MPRIP: variants seen among roughly 807,000 people sequenced by gnomAD.
MPRIP encodes the protein myosin phosphatase Rho interacting protein, also known as myosin phosphatase Rho-interacting protein.
In MPRIP, 59 loss-of-function variants were observed where a neutral mutation model predicts 234.9. The observed-to-expected ratio is 0.25, with a 90% CI of 0.20 to 0.31. The LOEUF (loss-of-function observed/expected upper bound fraction) is 0.31, where lower values mean the gene tolerates loss of function less well. Ranked by LOEUF, MPRIP falls within the 10% of genes least tolerant of loss-of-function variation. The pLI is 1.00. For missense variants in MPRIP, 2,436 were observed against 3,071.0 expected, an observed-to-expected ratio of 0.79 and a Z score of 4.89; for synonymous variants, 1,144 against 1,263.9, an observed-to-expected ratio of 0.91 and a Z score of 2.01.
chr17:17,180,719 A>AC, intron 23 of MPRIP: 1 of 1,515,022 alleles, frequency 6.6e-7, no homozygotes, highest in Non-Finnish European at 9.2e-7. Flanking sequence ...CCCCCATGGC[A>AC]AACGCCTGTG....
At chr17:17,087,094 CAG>C (rs1220310398) in intron 3 of MPRIP, among the ~76,000 whole-genome samples, 2 of 152,186 alleles carry the variant, frequency 1.3e-5, no homozygotes, top group East Asian at 3.9e-4. Context: ...CTGAAAGAAT[CAG>C]GGAATGGAAG....
chr17:17,133,577 G>A (rs1319239021), intron 5 of MPRIP, among the ~76,000 whole-genome samples: 1 of 152,198 alleles, frequency 6.6e-6, no homozygotes, highest in East Asian at 1.9e-4. Context: ...GTGTTGGCCC[G>A]GGAGAGTTTC....
intron 3 of MPRIP, 29 bp from the exon 4 acceptor site, chr17:17,126,673 C>G: frequency 6.3e-7 from 1 of 1,596,222 alleles, no homozygotes; most frequent in Non-Finnish European, 8.5e-7. Context: ...TGGCTGGCCT[C>G]TGGGTGACTC....
intron 1 of MPRIP, among the ~76,000 whole-genome samples, chr17:17,054,962 G>A (rs146569144): frequency 6.6e-6 from 1 of 151,986 alleles, no homozygotes; most frequent in East Asian, 1.9e-4. Flanking sequence ...GAGGTAGAAG[G>A]ATTGCCTGAG....
At chr17:17,044,420 C>T (rs2088280477) in intron 1 of MPRIP, among the ~76,000 whole-genome samples, 1 of 152,188 alleles carries the variant, frequency 6.6e-6, no homozygotes, top group South Asian at 2.1e-4. Flanking sequence ...GAACAAATCC[C>T]TTTACTTCTG....
intron 3 of MPRIP, among the ~76,000 whole-genome samples, chr17:17,115,595 G>T (rs2090269193): frequency 6.6e-6 from 1 of 152,186 alleles, no homozygotes; most frequent in African/African-American, 2.4e-5. Flanking sequence ...ATATTCACGT[G>T]GTTATACAAC....
chr17:17,191,435 G>A lies in MPRIP; in HGVS notation c.*6541G>A, dbSNP rs758858095. On this transcript the variant is annotated 3_prime_UTR_variant, in exon 24 of 24. Coordinates refer to ENST00000651222, the MANE Select transcript of MPRIP (RefSeq NM_001364716.4). Reference sequence around the variant, plus strand: ...TGGTCATATCCTGGAATTCCGTGGAGGCTGCAGAACTTAGATGCAGCTGTT... The same window carrying A: ...TGGTCATATCCTGGAATTCCGTGGAAGCTGCAGAACTTAGATGCAGCTGTT... 4 of 152,222 alleles carry A rather than the reference G, an allele frequency of 2.6e-5. No individual in the cohort carries two copies. Among genetic ancestry groups the A allele is most frequent in the South Asian group, 2.1e-4 (1 of 4,828 alleles). 9.4% of individuals were successfully genotyped at this position (152,222 alleles called of 1,614,324 possible).
chr17:17,118,301 G>T (rs1021951099), intron 3 of MPRIP, among the ~76,000 whole-genome samples: 3 of 152,222 alleles, frequency 2.0e-5, no homozygotes, highest in African/African-American at 7.2e-5. Flanking sequence ...AAAGCCATCG[G>T]GTGTAGAATG....
intron 10 of MPRIP, among the ~76,000 whole-genome samples, chr17:17,146,863 G>T (rs1451538364): frequency 2.0e-5 from 3 of 152,270 alleles, no homozygotes; most frequent in Admixed American, 6.5e-5. Flanking sequence ...TGAAGACTTG[G>T]TCTCTAGCTG....
rs1019495892 is a variant in MPRIP, at chr17:17,137,822, GC to G, written c.737-93del. ...GAGACGGGAGGTGGAGAAGGCCCCT[GC>G]TTGGATCCTACATGGGCTTTAAAAA... On this transcript the variant is annotated intron_variant, in intron 6 of 23. Transcript: ENST00000651222. 5.5e-5 allele frequency: 65 copies of G among 1,181,578 alleles called. No homozygotes were observed. In the African/African-American group the frequency reaches 9.8e-4, roughly 18 times the overall value. The allele number at this position is 1,181,578 out of a possible 1,614,324, so 73.2% of individuals were successfully genotyped here.
At chr17:17,114,315 T>A (rs7213477) in intron 3 of MPRIP, among the ~76,000 whole-genome samples, 1 of 152,238 alleles carries the variant, frequency 6.6e-6, no homozygotes, top group African/African-American at 2.4e-5. Context: ...TAGATACTAA[T>A]ACTTTGTCAG....
intron 11 of MPRIP, among the ~76,000 whole-genome samples, chr17:17,149,236 G>A (rs897206665): frequency 1.3e-5 from 2 of 152,182 alleles, no homozygotes; most frequent in African/African-American, 4.8e-5. Context: ...GCTCATGCCT[G>A]TAATCCCAGC....
At chr17:17,139,753 G>A (rs952972514) in intron 7 of MPRIP, among the ~76,000 whole-genome samples, 4 of 152,244 alleles carry the variant, frequency 2.6e-5, no homozygotes, top group African/African-American at 9.6e-5. Context: ...TCCAGGATAA[G>A]GAAGCATCTC....
intron 3 of MPRIP, among the ~76,000 whole-genome samples, chr17:17,093,800 T>C (rs2089776282): frequency 6.6e-6 from 1 of 152,252 alleles, no homozygotes; most frequent in Admixed American, 6.5e-5. Flanking sequence ...CCTCTGTGTT[T>C]GTAAATAACT....
chr17:17,180,146 G>A, intron 23 of MPRIP, 58 bp downstream of exon 23: 2 of 1,384,204 alleles, frequency 1.4e-6, no homozygotes, highest in Non-Finnish European at 2.0e-6. Context: ...GGGGAGAGTA[G>A]CCCAAATTGA....
At chr17:17,066,643 T>A (rs867279567) in intron 1 of MPRIP, among the ~76,000 whole-genome samples, 1 of 150,702 alleles carries the variant, frequency 6.6e-6, no homozygotes, top group Non-Finnish European at 1.5e-5. Flanking sequence ...CTGAACCTGA[T>A]TGCTTTCAGT....
intron 21 of MPRIP, among the ~76,000 whole-genome samples, chr17:17,176,910 A>G (rs2046266518): frequency 6.6e-6 from 1 of 152,166 alleles, no homozygotes; most frequent in Admixed American, 6.5e-5. Flanking sequence ...CACCTAGGGA[A>G]TCTAGGACAC....
intron 23 of MPRIP, chr17:17,182,153 A>G (rs955867906): frequency 6.6e-6 from 1 of 152,028 alleles, no homozygotes; most frequent in Admixed American, 6.5e-5. Flanking sequence ...CTTTTCCTCA[A>G]CTGTATCTGA....
intron 1 of MPRIP, among the ~76,000 whole-genome samples, chr17:17,059,680 C>T (rs2088814461): frequency 6.6e-6 from 1 of 152,242 alleles, no homozygotes; most frequent in Non-Finnish European, 1.5e-5. Flanking sequence ...GTGTCTTCGT[C>T]TCCTTGTTGG....
Sources: allele counts gnomAD v4.1 joint callset (sites outside exome capture counted in the v4.1 genomes callset), GRCh38; gene constraint gnomAD v4.1.1; transcripts MANE v1.5; gene names NCBI Gene and HGNC (gene_info 2026-07-23, HGNC 2026-07-21).